The following ATRNL1 variants were observed in gnomAD, a reference collection of about 807,000 sequenced individuals.
ATRNL1 encodes attractin like 1, also known as attractin-like protein 1.
Under a neutral mutation model 182.7 loss-of-function variants are expected in ATRNL1, and 95 were observed. The ratio of observed to expected loss-of-function variants is 0.52; its 90% CI spans 0.44 to 0.62. The LOEUF (loss-of-function observed/expected upper bound fraction) is 0.62. Ranked by LOEUF, ATRNL1 falls within the 20% of genes least tolerant of loss-of-function variation. The pLI is 0.00. For synonymous variants in ATRNL1, 576 were observed against 568.3 expected (o/e 1.01, Z -0.19); for missense variants, 1,471 against 1,679.5 (o/e 0.88, Z 2.17).
chr10:115,632,675 G>T (rs570906609), intron 26 of ATRNL1, among the ~76,000 whole-genome samples: 1 of 151,942 alleles, frequency 6.6e-6, no homozygotes, highest in Non-Finnish European at 1.5e-5. Flanking sequence ...AAATGCATTC[G>T]GTGAATGAAT....
chr10:115,795,915 A>T (rs1949643764), intron 27 of ATRNL1, among the ~76,000 whole-genome samples: 1 of 151,644 alleles, frequency 6.6e-6, no homozygotes, highest in Admixed American at 6.6e-5. Flanking sequence ...AATCTCCAAA[A>T]CCCATGCTGG....
chr10:115,402,436 T>A (rs1406431140), intron 20 of ATRNL1, among the ~76,000 whole-genome samples: 1 of 152,176 alleles, frequency 6.6e-6, no homozygotes, highest in Non-Finnish European at 1.5e-5. Context: ...ACTCACAAAT[T>A]TATCCCCACT....
intron 21 of ATRNL1, among the ~76,000 whole-genome samples, chr10:115,446,735 C>T (rs991156095): frequency 4.6e-5 from 7 of 152,004 alleles, no homozygotes; most frequent in Non-Finnish European, 1.0e-4. Context: ...TCTCCTGAAG[C>T]TCTACGAAGC....
intron 27 of ATRNL1, among the ~76,000 whole-genome samples, chr10:115,829,663 T>C (rs1006577861): frequency 3.3e-5 from 5 of 152,152 alleles, no homozygotes; most frequent in Admixed American, 1.3e-4. Context: ...TTCTCTGTCT[T>C]ATGCCACCAA....
At chr10:115,581,572 T>C (rs1855083267) in intron 26 of ATRNL1, among the ~76,000 whole-genome samples, 1 of 152,166 alleles carries the variant, frequency 6.6e-6, no homozygotes, top group African/African-American at 2.4e-5. Flanking sequence ...TTGATATATG[T>C]AAATTAAAAT....
intron 6 of ATRNL1, among the ~76,000 whole-genome samples, chr10:115,165,339 T>A (rs1016697855): frequency 1.1e-4 from 16 of 152,044 alleles, no homozygotes; most frequent in Non-Finnish European, 2.1e-4. Flanking sequence ...TAATGTATAT[T>A]ATACATTCAG....
chr10:115,780,323 G>A (rs1363202794), intron 27 of ATRNL1, among the ~76,000 whole-genome samples: 1 of 152,220 alleles, frequency 6.6e-6, no homozygotes, highest in Admixed American at 6.5e-5. Flanking sequence ...GTATTAGCAA[G>A]CCTCAACACC....
intron 27 of ATRNL1, among the ~76,000 whole-genome samples, chr10:115,729,330 A>G (rs1947713548): frequency 7.1e-6 from 1 of 140,068 alleles, no homozygotes; most frequent in African/African-American, 2.7e-5. Flanking sequence ...ATATTTTCTG[A>G]TATTCCTTAT....
At chr10:115,774,986 A>G (rs552897785) in intron 27 of ATRNL1, among the ~76,000 whole-genome samples, 1 of 152,336 alleles carries the variant, frequency 6.6e-6, no homozygotes, top group East Asian at 1.9e-4. Flanking sequence ...GTCATAAGAC[A>G]TTAGCTAAGA....
intron 26 of ATRNL1, among the ~76,000 whole-genome samples, chr10:115,642,510 C>T (rs182104208): frequency 6.6e-6 from 1 of 150,912 alleles, no homozygotes; most frequent in African/African-American, 2.4e-5. Flanking sequence ...ATGGAGCAAT[C>T]TTGGCTCACT....
At chr10:115,697,056 A>G (rs1946587705) in intron 26 of ATRNL1, among the ~76,000 whole-genome samples, 1 of 152,122 alleles carries the variant, frequency 6.6e-6, no homozygotes, top group Non-Finnish European at 1.5e-5. Context: ...ACAATTTGAG[A>G]TAAGATTTCG....
At chr10:115,523,197 C>T (rs996355704) in intron 25 of ATRNL1, among the ~76,000 whole-genome samples, 1 of 152,166 alleles carries the variant, frequency 6.6e-6, no homozygotes. Context: ...GCCATTTGAG[C>T]AGCGAGATGT....
chr10:115,349,249 T>C (rs1856118549), intron 19 of ATRNL1, among the ~76,000 whole-genome samples: 1 of 152,190 alleles, frequency 6.6e-6, no homozygotes, highest in African/African-American at 2.4e-5. Flanking sequence ...CTTAACATAA[T>C]GTTCTCTAGT....
chr10:115,758,688 C>T (rs373716231), intron 27 of ATRNL1, among the ~76,000 whole-genome samples: 309 of 152,324 alleles, frequency 2.0e-3, no homozygotes, highest in African/African-American at 6.6e-3. Flanking sequence ...TCTTCAGAGC[C>T]GTCAGGCAGG....
chr10:115,415,607 T>C (rs1845351353), intron 20 of ATRNL1, among the ~76,000 whole-genome samples: 1 of 151,976 alleles, frequency 6.6e-6, no homozygotes, highest in Non-Finnish European at 1.5e-5. Flanking sequence ...TTTTATTTTG[T>C]AATTAATTAT....
intron 21 of ATRNL1, among the ~76,000 whole-genome samples, chr10:115,460,788 A>G (rs370616061): frequency 9.2e-5 from 14 of 152,122 alleles, no homozygotes; most frequent in African/African-American, 3.4e-4. Context: ...TCTCCAAAAG[A>G]CTGATGTTCA....
At chr10:115,909,928 C>T (rs1952622882) in intron 28 of ATRNL1, among the ~76,000 whole-genome samples, 1 of 152,106 alleles carries the variant, frequency 6.6e-6, no homozygotes, top group African/African-American at 2.4e-5. Flanking sequence ...CCTCATTTTA[C>T]TCAATGGGCA....
rs988425929 is a variant in ATRNL1 at position 115,772,593 on chromosome 10, C to G, written c.3903+45238C>G. 8.8e-5 allele frequency among the ~76,000 whole-genome samples: 11 copies of G among 125,670 alleles called. No individual in the cohort carries two copies. The East Asian group carries it at 1.1e-3, about 13-fold the overall frequency. 82.4% of individuals were successfully genotyped at this position (125,670 alleles called of 152,430 possible). A position where few individuals can be genotyped will look rare whatever the true frequency, so the allele number is the denominator to read the frequency against. On this transcript the variant is annotated intron_variant, in intron 27 of 28. Transcript: ENST00000355044. ...TGTATAAATATACAAAATATATACT[C>G]TGTCTGTGTGTGTGTGTGTGTGTGT...
At chr10:115,371,966 G>A (rs894444761) in intron 19 of ATRNL1, among the ~76,000 whole-genome samples, 8 of 152,126 alleles carry the variant, frequency 5.3e-5, no homozygotes, top group Non-Finnish European at 1.0e-4. Flanking sequence ...TAGTGAATAA[G>A]TCTCACGAGA....
Sources: gnomAD v4.1 joint callset for allele counts (sites outside exome capture counted in the v4.1 genomes callset) on GRCh38, gnomAD v4.1.1 for gene constraint, MANE v1.5 for transcripts, NCBI Gene and HGNC (gene_info 2026-07-23, HGNC 2026-07-21) for gene names.